NRP1: variants seen among roughly 807,000 people sequenced by gnomAD.
The protein encoded by NRP1 is neuropilin 1.
In NRP1, 35 loss-of-function variants were observed where a neutral mutation model predicts 106.7. That is an observed-to-expected ratio of 0.33 (90% CI 0.25 to 0.43). The LOEUF (loss-of-function observed/expected upper bound fraction) is 0.43, where lower values mean the gene tolerates loss of function less well. Among genes scored for constraint, NRP1 ranks in the 20% least tolerant of loss-of-function variants. The pLI is 1.00. For synonymous variants in NRP1, 437 were observed against 417.9 expected (o/e 1.05, Z -0.56); for missense variants, 1,024 against 1,170.4 (o/e 0.87, Z 1.83).
intron 2 of NRP1, among the ~76,000 whole-genome samples, chr10:33,280,116 A>C (rs978637913): frequency 1.3e-5 from 2 of 152,224 alleles, no homozygotes; most frequent in African/African-American, 4.8e-5. Flanking sequence ...ATTGATCAAA[A>C]TATACAATGT....
chr10:33,234,427 T>C (rs375848083), intron 6 of NRP1, among the ~76,000 whole-genome samples: 62 of 152,320 alleles, frequency 4.1e-4, no homozygotes, highest in African/African-American at 1.4e-3. Context: ...AATTTCTCAG[T>C]AATAATAATT....
At chr10:33,209,122 G>T (rs575118714) in intron 9 of NRP1, among the ~76,000 whole-genome samples, 1 of 152,032 alleles carries the variant, frequency 6.6e-6, no homozygotes, top group Non-Finnish European at 1.5e-5. Context: ...GGCCAGGCTG[G>T]TCTTGAACTC....
intron 2 of NRP1, among the ~76,000 whole-genome samples, chr10:33,292,004 G>C (rs1326381418): frequency 1.3e-5 from 2 of 152,128 alleles, no homozygotes; most frequent in Non-Finnish European, 2.9e-5. Context: ...CCTGGGCTCA[G>C]GTGATCCTCC....
chr10:33,186,373 A>G lies in NRP1; in HGVS notation c.2178T>C (p.Tyr726=). 1 of 1,614,100 alleles carries G rather than the reference A, an allele frequency of 6.2e-7. No homozygotes were observed. Among genetic ancestry groups the G allele is most frequent in the Non-Finnish European group, 8.5e-7 (1 of 1,180,032 alleles). Residue 726 remains tyrosine, a synonymous_variant, in exon 14 of 17, where the codon TAT becomes TAC. Coordinates refer to ENST00000374867, the MANE Select transcript of NRP1 (RefSeq NM_003873.7). ...QNSAHCMTFW[Y]HMSGSHVGTL... Reference sequence around the variant, plus strand: ...TGCCGACGTGGGACCCAGACATGTGATACCAGAAGGTCATGCAGTGGGCAG... The same window carrying G: ...TGCCGACGTGGGACCCAGACATGTGGTACCAGAAGGTCATGCAGTGGGCAG...
At chr10:33,310,047 A>T (rs1036334435) in intron 2 of NRP1, among the ~76,000 whole-genome samples, 20 of 150,136 alleles carry the variant, frequency 1.3e-4, no homozygotes, top group African/African-American at 4.9e-4. Flanking sequence ...TCCCGGGTTC[A>T]CGCCATTCTC....
At chr10:33,206,741 G>A (rs988415803) in intron 10 of NRP1, among the ~76,000 whole-genome samples, 7 of 152,308 alleles carry the variant, frequency 4.6e-5, no homozygotes, top group African/African-American at 1.7e-4. Flanking sequence ...AGGTTACTCA[G>A]TTATGCCCAA....
chr10:33,184,982 T>C (rs1241976243), intron 15 of NRP1, among the ~76,000 whole-genome samples: 1 of 152,188 alleles, frequency 6.6e-6, no homozygotes, highest in East Asian at 1.9e-4. Flanking sequence ...TACACTGCCA[T>C]TAGTAATGCT....
chr10:33,195,021 TA>T (rs1220818022), intron 12 of NRP1, among the ~76,000 whole-genome samples: 40 of 152,182 alleles, frequency 2.6e-4, no homozygotes, highest in African/African-American at 8.4e-4. Flanking sequence ...TCTTGACTCT[TA>T]AAAATAGCAG....
intron 5 of NRP1, among the ~76,000 whole-genome samples, chr10:33,255,579 G>A (rs1476701335): frequency 6.6e-6 from 1 of 152,100 alleles, no homozygotes. Context: ...AGCTTCCCAA[G>A]TAACTGGGAC....
intron 3 of NRP1, 119 bp from the exon 4 acceptor site, chr10:33,263,992 T>C: frequency 1.5e-6 from 1 of 676,278 alleles, no homozygotes; most frequent in Non-Finnish European, 2.6e-6. Context: ...ATAACCACTG[T>C]TCTAATCATG....
chr10:33,186,449 T>C lies in NRP1; in HGVS notation c.2102A>G (p.Gln701Arg). The C allele has an allele frequency of 6.2e-7, 1 of 1,613,920 alleles. No homozygotes were observed. The highest frequency in any genetic ancestry group is 1.7e-5 in the Admixed American group (1 of 60,012). The change falls in exon 14 of 17, where the codon CAG becomes CGG. Residue 701 changes from glutamine to arginine, a missense_variant. Physicochemically the swap from Gln to Arg is conservative, Grantham distance 43 (BLOSUM62 1). Coordinates refer to ENST00000374867, the MANE Select transcript of NRP1 (RefSeq NM_003873.7). ...CACCAGGCGAGCCACTTTGCCCTTC[T>C]GATTTTCGTCAGCTTGGGAATAGAT... is the stretch of plus-strand genomic sequence containing the variant. ...NFIYSQADEN[Q>R]KGKVARLVSP... is the part of the protein sequence containing the mutation.
chr10:33,221,799 G>A lies in NRP1; in HGVS notation c.1202C>T (p.Thr401Ile), dbSNP rs781431241. ...VVAVFPKPLI[T>I]RFVRIKPATW... is the part of the protein sequence containing the mutation. ...TGCAGGCTTGATTCGGACAAATCGAGTTATCAGTGGTTTGGGGAATACTGC... is the reference window on the plus strand; with the variant it reads ...TGCAGGCTTGATTCGGACAAATCGAATTATCAGTGGTTTGGGGAATACTGC... Residue 401 changes from threonine to isoleucine, a missense_variant, in exon 8 of 17, where the codon ACT becomes ATT. By Grantham distance (89) the Thr-to-Ile change is moderately conservative (BLOSUM62 -1). This residue lies in a region of NRP1 where 562 missense variants were observed against 620.3 expected (regional missense o/e 0.91). Transcript: ENST00000374867. 1.2e-6 allele frequency: 2 copies of A among 1,614,124 alleles called. No individual in the cohort carries two copies. The highest frequency in any genetic ancestry group is 1.7e-6 in the Non-Finnish European group (2 of 1,179,994).
chr10:33,251,149 G>T (rs1194323952), intron 6 of NRP1, among the ~76,000 whole-genome samples: 1 of 152,072 alleles, frequency 6.6e-6, no homozygotes, highest in Admixed American at 6.6e-5. Context: ...CATGATAGTG[G>T]GTGAGTTCTC....
intron 2 of NRP1, among the ~76,000 whole-genome samples, chr10:33,324,804 A>AT (rs1847773247): frequency 6.6e-6 from 1 of 151,958 alleles, no homozygotes; most frequent in Non-Finnish European, 1.5e-5. Context: ...TGCCTGGCTA[A>AT]TTTTTGTATT....
chr10:33,183,414 A>G (rs1418261395), intron 15 of NRP1, among the ~76,000 whole-genome samples: 1 of 152,120 alleles, frequency 6.6e-6, no homozygotes, highest in Non-Finnish European at 1.5e-5. Flanking sequence ...TGGTGAATAT[A>G]GGTTCTACTG....
At chr10:33,225,986 G>T in intron 7 of NRP1, 148 bp downstream of exon 7, 2 of 847,060 alleles carry the variant, frequency 2.4e-6, no homozygotes, top group Non-Finnish European at 3.6e-6. Context: ...GAGACCCCTT[G>T]GTTAGATTTA....
chr10:33,333,600 C>T (rs1848431806), intron 1 of NRP1, among the ~76,000 whole-genome samples: 1 of 152,200 alleles, frequency 6.6e-6, no homozygotes, highest in South Asian at 2.1e-4. Context: ...ATGCCTACAA[C>T]CAGATCCCAT....
At chr10:33,301,181 G>A (rs987816541) in intron 2 of NRP1, among the ~76,000 whole-genome samples, 4 of 152,182 alleles carry the variant, frequency 2.6e-5, no homozygotes, top group Non-Finnish European at 5.9e-5. Context: ...CAGTCCAGAG[G>A]AGCAGAGTTT....
intron 2 of NRP1, among the ~76,000 whole-genome samples, chr10:33,323,224 T>C (rs1847645236): frequency 1.6e-5 from 2 of 123,174 alleles, no homozygotes; most frequent in Admixed American, 1.9e-4. Context: ...TTTAAATAAA[T>C]AAATAAATAT....
Sources: allele counts gnomAD v4.1 joint callset (sites outside exome capture counted in the v4.1 genomes callset), GRCh38; gene constraint gnomAD v4.1.1; regional missense constraint gnomAD v4.1.1; transcripts MANE v1.5; gene names NCBI Gene and HGNC (gene_info 2026-07-23, HGNC 2026-07-21).